The following NRG3 variants were observed in gnomAD, a reference collection of about 807,000 sequenced individuals.
NRG3 encodes pro-neuregulin-3, membrane-bound isoform.
Under a neutral mutation model 66.9 loss-of-function variants are expected in NRG3, and 31 were observed. The observed-to-expected ratio is 0.46, with a 90% CI of 0.35 to 0.63. The LOEUF (loss-of-function observed/expected upper bound fraction) is 0.63, where lower values mean the gene tolerates loss of function less well. Ranked by LOEUF, NRG3 falls within the 20% of genes least tolerant of loss-of-function variation. The pLI, the probability that NRG3 is intolerant of heterozygous loss-of-function variation, is 0.00. For missense variants in NRG3, 910 were observed against 878.9 expected, an observed-to-expected ratio of 1.04 and a Z score of -0.45; for synonymous variants, 393 against 359.4, an observed-to-expected ratio of 1.09 and a Z score of -1.06.
intron 1 of NRG3, among the ~76,000 whole-genome samples, chr10:82,178,439 A>T (rs550686361): frequency 6.6e-6 from 1 of 152,196 alleles, no homozygotes; most frequent in African/African-American, 2.4e-5. Context: ...TATGAGTTTG[A>T]CTATTTTAGA....
intron 2 of NRG3, among the ~76,000 whole-genome samples, chr10:82,659,799 C>T (rs911627010): frequency 1.3e-5 from 2 of 152,132 alleles, no homozygotes; most frequent in African/African-American, 4.8e-5. Context: ...CAATGCCTCT[C>T]ATCTTCCAAT....
In NRG3 at chr10:82,798,408, A is replaced by G. The variant is rs1406872040; in HGVS notation, c.1027+59758A>G. 2.6e-5 allele frequency among the ~76,000 whole-genome samples: 4 copies of G among 152,276 alleles called. No homozygotes were observed. The East Asian group carries it at 7.7e-4, about 29-fold the overall frequency. On this transcript the variant is annotated intron_variant, in intron 3 of 8. Coordinates refer to ENST00000372141, the MANE Select transcript of NRG3 (RefSeq NM_001010848.4). ...CAGCAGTCAAAGAAAGAACAATAGA[A>G]ACTTCTCTTATCTCCTTGAGAGATA...
intron 1 of NRG3, among the ~76,000 whole-genome samples, chr10:81,971,809 G>A (rs956316080): frequency 2.6e-5 from 4 of 152,198 alleles, no homozygotes; most frequent in Non-Finnish European, 5.9e-5. Flanking sequence ...GTACTGGAGA[G>A]AAGAGATTTG....
At chr10:81,879,538 A>G (rs895606172) in intron 1 of NRG3, among the ~76,000 whole-genome samples, 1 of 152,314 alleles carries the variant, frequency 6.6e-6, no homozygotes, top group Non-Finnish European at 1.5e-5. Context: ...AAATTCAAAT[A>G]CTAAAGACAA....
intron 1 of NRG3, among the ~76,000 whole-genome samples, chr10:81,989,696 G>A (rs925491063): frequency 1.3e-5 from 2 of 152,132 alleles, no homozygotes; most frequent in African/African-American, 4.8e-5. Flanking sequence ...GCCCAGAGGG[G>A]CAAAACTCTC....
At chr10:82,091,822 G>A (rs78217047) in intron 1 of NRG3, among the ~76,000 whole-genome samples, 3,514 of 152,196 alleles carry the variant, frequency 0.023, 113 homozygotes, top group East Asian at 0.11. Flanking sequence ...TTGTGATTTT[G>A]TGTTTTTATT....
chr10:82,831,992 C>T (rs949626404), intron 3 of NRG3, among the ~76,000 whole-genome samples: 1 of 152,046 alleles, frequency 6.6e-6, no homozygotes, highest in African/African-American at 2.4e-5. Flanking sequence ...AGTATACAAG[C>T]TGTTTTGCTT....
At chr10:82,848,760 C>T (rs1489903657) in intron 3 of NRG3, among the ~76,000 whole-genome samples, 5 of 152,068 alleles carry the variant, frequency 3.3e-5, no homozygotes, top group East Asian at 1.9e-4. Context: ...AATTGAATCA[C>T]GGGGGTGGGT....
At chr10:82,917,845 A>C (rs1214267531) in intron 4 of NRG3, among the ~76,000 whole-genome samples, 1 of 151,938 alleles carries the variant, frequency 6.6e-6, no homozygotes, top group Admixed American at 6.6e-5. Flanking sequence ...TTATGACTGT[A>C]GACTAGACTG....
intron 1 of NRG3, among the ~76,000 whole-genome samples, chr10:82,152,844 TTC>T (rs944483230): frequency 4.7e-5 from 7 of 147,978 alleles, no homozygotes; most frequent in African/African-American, 1.6e-4. Context: ...CTCTTTTTCT[TTC>T]TTTCTTTCTT....
At chr10:82,094,074 G>T (rs1274338327) in intron 1 of NRG3, among the ~76,000 whole-genome samples, 2 of 152,090 alleles carry the variant, frequency 1.3e-5, no homozygotes, top group African/African-American at 4.8e-5. Flanking sequence ...CACATTTATT[G>T]ACAATGAAAC....
At chr10:82,963,407 G>A (rs1384182443) in intron 6 of NRG3, among the ~76,000 whole-genome samples, 5 of 152,198 alleles carry the variant, frequency 3.3e-5, no homozygotes, top group Admixed American at 6.5e-5. Flanking sequence ...TAGGCCGGGC[G>A]CGGTGGCTCA....
At chr10:82,668,975 T>A (rs922907802) in intron 2 of NRG3, among the ~76,000 whole-genome samples, 3 of 152,154 alleles carry the variant, frequency 2.0e-5, no homozygotes, top group Non-Finnish European at 4.4e-5. Flanking sequence ...TGGGAACTGC[T>A]GTTAAAGTCG....
At chr10:82,429,669 T>A (rs1367498337) in intron 2 of NRG3, among the ~76,000 whole-genome samples, 1 of 152,202 alleles carries the variant, frequency 6.6e-6, no homozygotes, top group Non-Finnish European at 1.5e-5. Context: ...TTTCATCCAA[T>A]TTTTAAATTT....
At chr10:82,082,703 T>C (rs939280685) in intron 1 of NRG3, among the ~76,000 whole-genome samples, 3 of 152,194 alleles carry the variant, frequency 2.0e-5, no homozygotes, top group Admixed American at 6.5e-5. Context: ...TTTTGAACAA[T>C]TCATTGCTCT....
At chr10:82,264,444 G>A (rs141449357) in intron 1 of NRG3, among the ~76,000 whole-genome samples, 1 of 148,898 alleles carries the variant, frequency 6.7e-6, no homozygotes, top group Non-Finnish European at 1.5e-5. Flanking sequence ...ATCTCCACCC[G>A]GTCCTGCCCT....
intron 1 of NRG3, among the ~76,000 whole-genome samples, chr10:81,896,295 C>T (rs897369543): frequency 3.3e-5 from 5 of 152,078 alleles, no homozygotes; most frequent in Non-Finnish European, 7.3e-5. Context: ...ATTTCTGACA[C>T]ACTGAACACA....
intron 2 of NRG3, among the ~76,000 whole-genome samples, chr10:82,716,659 T>C (rs1430860776): frequency 6.6e-6 from 1 of 152,188 alleles, no homozygotes; most frequent in Non-Finnish European, 1.5e-5. Context: ...GGAGAGGCAC[T>C]TATAATTATT....
intron 2 of NRG3, among the ~76,000 whole-genome samples, chr10:82,475,523 G>A (rs1841690384): frequency 6.6e-6 from 1 of 151,870 alleles, no homozygotes; most frequent in East Asian, 1.9e-4. Context: ...AGAATAGAAA[G>A]CCAAGAAGTA....
Sources: gnomAD v4.1 joint callset for allele counts (sites outside exome capture counted in the v4.1 genomes callset) on GRCh38, gnomAD v4.1.1 for gene constraint, MANE v1.5 for transcripts, NCBI Gene and HGNC (gene_info 2026-07-23, HGNC 2026-07-21) for gene names.